Variants in CAST observed in about 807,000 individuals in gnomAD.
The protein encoded by CAST is calpastatin, also known as MIR583 host.
In CAST, 76 loss-of-function variants were observed where a neutral mutation model predicts 119.6. That is an observed-to-expected ratio of 0.64 (90% CI 0.53 to 0.77). The LOEUF is 0.77. Ranked by LOEUF, CAST falls within the 30% of genes least tolerant of loss-of-function variation. CAST has a pLI of 0.00. For synonymous variants in CAST, 319 were observed against 331.6 expected (o/e 0.96, Z 0.41); for missense variants, 953 against 946.5 (o/e 1.01, Z -0.09).
chr5:96,662,430 A>G lies in CAST; in HGVS notation c.8A>G (p.Gln3Arg), dbSNP rs1333864218. The part of the protein sequence containing the change: MS[Q>R]PGQKPAASPR... ...GGCCGCAGCGGCCTCGCCATGTCCCAGCCCGGCCAGAAGCCCGCCGCCTCC... is the reference window on the plus strand; with the variant it reads ...GGCCGCAGCGGCCTCGCCATGTCCCGGCCCGGCCAGAAGCCCGCCGCCTCC... The change falls in exon 1 of 32, where the codon CAG (glutamine) becomes CGG (arginine). Residue 3 changes from glutamine to arginine, a missense_variant. Coordinates refer to ENST00000675179, the MANE Select transcript of CAST (RefSeq NM_001750.7). The G allele has an allele frequency of 2.1e-6, 3 of 1,435,972 alleles. No homozygotes were observed. Among genetic ancestry groups the G allele is most frequent in the Non-Finnish European group, 2.7e-6 (3 of 1,098,660 alleles). 89.0% of individuals were successfully genotyped at this position (1,435,972 alleles called of 1,614,324 possible). A position where few individuals can be genotyped will look rare whatever the true frequency, so the allele number is the denominator to read the frequency against.
At chr5:96,006,356 G>A in the CAST span, among the ~76,000 whole-genome samples, 1 of 149,132 alleles carries the variant, frequency 6.7e-6, no homozygotes, top group African/African-American at 2.5e-5. Flanking sequence ...AACAATAGCT[G>A]ATGAGCTAAA....
At chr5:96,394,637 T>G in the CAST span, among the ~76,000 whole-genome samples, 1 of 152,214 alleles carries the variant, frequency 6.6e-6, no homozygotes, top group African/African-American at 2.4e-5. Flanking sequence ...TGTTAGGAAA[T>G]TTAATACTTT....
At chr5:96,128,765 C>A in the CAST span, among the ~76,000 whole-genome samples, 1 of 152,038 alleles carries the variant, frequency 6.6e-6, no homozygotes, top group Non-Finnish European at 1.5e-5. Flanking sequence ...TCTTGCAGAA[C>A]CCCAGTTCAG....
chr5:96,547,437 C>A (rs958589550), intron 1 of CAST, among the ~76,000 whole-genome samples: 1 of 152,166 alleles, frequency 6.6e-6, no homozygotes, highest in Non-Finnish European at 1.5e-5. Context: ...ACAGATGTCC[C>A]AGCTCAAGGA....
chr5:96,243,704 A>G, the CAST span, among the ~76,000 whole-genome samples: 85 of 152,326 alleles, frequency 5.6e-4, no homozygotes, highest in African/African-American at 2.0e-3. Context: ...AGAGTCAGGC[A>G]TGTGGGTTTT....
chr5:96,262,018 C>A, the CAST span, among the ~76,000 whole-genome samples: 1 of 152,182 alleles, frequency 6.6e-6, no homozygotes, highest in African/African-American at 2.4e-5. Context: ...TACCCAAGGT[C>A]TTATAGCTAA....
chr5:96,638,908 C>T (rs568740971), intron 1 of CAST, among the ~76,000 whole-genome samples: 5 of 152,260 alleles, frequency 3.3e-5, no homozygotes, highest in African/African-American at 9.6e-5. Context: ...TTCTCTCTAC[C>T]GCAGCACCTA....
intron 1 of CAST, among the ~76,000 whole-genome samples, chr5:96,530,217 G>A (rs1231873825): frequency 6.6e-6 from 1 of 152,168 alleles, no homozygotes; most frequent in Non-Finnish European, 1.5e-5. Flanking sequence ...GGTAATCACG[G>A]AAGGCTTCTC....
intron 1 of CAST, among the ~76,000 whole-genome samples, chr5:96,604,119 G>A (rs938530463): frequency 3.9e-5 from 6 of 152,006 alleles, no homozygotes; most frequent in Admixed American, 2.0e-4. Context: ...TAGCATCACC[G>A]CATGAGTAAT....
chr5:96,310,611 A>T, the CAST span, among the ~76,000 whole-genome samples: 2 of 150,530 alleles, frequency 1.3e-5, no homozygotes. Context: ...TAATCTCTTA[A>T]CTCATTATTG....
chr5:96,745,333 T>C (rs1477709115), intron 16 of CAST, among the ~76,000 whole-genome samples: 2 of 152,270 alleles, frequency 1.3e-5, no homozygotes, highest in African/African-American at 4.8e-5. Flanking sequence ...AAGTAGTAAT[T>C]AATCAACTAA....
intron 1 of CAST, among the ~76,000 whole-genome samples, chr5:96,646,689 A>G (rs758758879): frequency 3.9e-5 from 6 of 152,170 alleles, no homozygotes; most frequent in Non-Finnish European, 7.4e-5. Flanking sequence ...TAAACAGGGA[A>G]TATTTGCCTC....
At chr5:96,705,166 A>T (rs1025408153) in intron 3 of CAST, among the ~76,000 whole-genome samples, 1 of 152,134 alleles carries the variant, frequency 6.6e-6, no homozygotes, top group East Asian at 1.9e-4. Flanking sequence ...CAAAAAATTT[A>T]AAAATTAGGG....
At chr5:96,272,030 A>G in the CAST span, among the ~76,000 whole-genome samples, 1 of 152,216 alleles carries the variant, frequency 6.6e-6, no homozygotes, top group Admixed American at 6.5e-5. Context: ...AGCACTAACC[A>G]TCAGAGAAAT....
intron 1 of CAST, among the ~76,000 whole-genome samples, chr5:96,558,845 T>A (rs1161114626): frequency 3.3e-5 from 5 of 152,174 alleles, no homozygotes; most frequent in African/African-American, 1.2e-4. Flanking sequence ...GAATCCTCCC[T>A]AACTCATTTT....
At chr5:96,705,778 C>G (rs1754840195) in intron 3 of CAST, among the ~76,000 whole-genome samples, 1 of 152,068 alleles carries the variant, frequency 6.6e-6, no homozygotes, top group Admixed American at 6.6e-5. Flanking sequence ...ACATACGGAG[C>G]CCTTATGTGC....
At chr5:96,709,577 T>C (rs866117772) in intron 3 of CAST, among the ~76,000 whole-genome samples, 73 of 152,348 alleles carry the variant, frequency 4.8e-4, no homozygotes, top group African/African-American at 1.6e-3. Flanking sequence ...ACCTGAACAA[T>C]GTGTTTAAAA....
At chr5:96,097,646 G>T in the CAST span, among the ~76,000 whole-genome samples, 5 of 152,130 alleles carry the variant, frequency 3.3e-5, no homozygotes, top group Admixed American at 3.3e-4. Flanking sequence ...CCATGTCCCT[G>T]CACAGGGCAT....
the CAST span, among the ~76,000 whole-genome samples, chr5:96,389,849 C>T: frequency 6.6e-6 from 1 of 151,886 alleles, no homozygotes; most frequent in South Asian, 2.1e-4. Flanking sequence ...GTGGGAAGAT[C>T]GTTTGAGCCT....
Sources: allele counts gnomAD v4.1 joint callset (sites outside exome capture counted in the v4.1 genomes callset), GRCh38; gene constraint gnomAD v4.1.1; transcripts MANE v1.5; gene names NCBI Gene and HGNC (gene_info 2026-07-23, HGNC 2026-07-21).